SLC17A1: variants seen among roughly 807,000 people sequenced by gnomAD.
The protein encoded by SLC17A1 is sodium-dependent phosphate transport protein 1.
SLC17A1 carries 51 observed loss-of-function variants against 53.5 expected under a neutral mutation model. The observed-to-expected ratio is 0.95, with a 90% CI of 0.76 to 1.20. The LOEUF (loss-of-function observed/expected upper bound fraction) is 1.20. Among genes scored for constraint, SLC17A1 ranks in the 50% most tolerant of loss-of-function variants. The pLI is 0.00. For synonymous variants in SLC17A1, 179 were observed against 198.8 expected (o/e 0.90, Z 0.84); for missense variants, 538 against 568.2 (o/e 0.95, Z 0.54).
intron 12 of SLC17A1, among the ~76,000 whole-genome samples, chr6:25,795,752 CACCCA>C (rs2151478032): frequency 6.6e-6 from 1 of 152,032 alleles, no homozygotes; most frequent in Admixed American, 6.5e-5. Flanking sequence ...CACACACCCA[CACCCA>C]CACCCACAAT....
intron 12 of SLC17A1, among the ~76,000 whole-genome samples, chr6:25,783,763 GC>G (rs1763318151): frequency 6.6e-6 from 1 of 150,944 alleles, no homozygotes; most frequent in Non-Finnish European, 1.5e-5. Flanking sequence ...TGAAAATAAA[GC>G]CCCCCTTTGT....
the SLC17A1 span, among the ~76,000 whole-genome samples, chr6:25,747,247 T>C: frequency 6.6e-6 from 1 of 152,236 alleles, no homozygotes; most frequent in Non-Finnish European, 1.5e-5. Context: ...GCAATTGTTC[T>C]GGCATTCTGA....
the SLC17A1 span, among the ~76,000 whole-genome samples, chr6:25,740,045 C>G: frequency 6.6e-6 from 1 of 151,978 alleles, no homozygotes; most frequent in Non-Finnish European, 1.5e-5. Context: ...CTTGCACCTT[C>G]CTGTGAACCT....
At chr6:25,782,272 C>T (rs922909788), downstream of SLC17A1, among the ~76,000 whole-genome samples, 15 of 152,280 alleles carry the variant, frequency 9.9e-5, no homozygotes, top group Admixed American at 9.2e-4. Context: ...GAGAGAGGCC[C>T]TGCAGGTTGC....
At chr6:25,751,135 T>A in the SLC17A1 span, among the ~76,000 whole-genome samples, 3 of 152,158 alleles carry the variant, frequency 2.0e-5, no homozygotes, top group Admixed American at 2.0e-4. Flanking sequence ...TGCATGGGTG[T>A]GTAGGGGAAG....
downstream of SLC17A1, among the ~76,000 whole-genome samples, chr6:25,778,173 C>G (rs1763093472): frequency 6.6e-6 from 1 of 151,928 alleles, no homozygotes; most frequent in Non-Finnish European, 1.5e-5. Context: ...ACTTAAGATT[C>G]TTAAGTTTCC....
At chr6:25,789,654 G>A (rs1763459060) in intron 12 of SLC17A1, among the ~76,000 whole-genome samples, 1 of 151,858 alleles carries the variant, frequency 6.6e-6, no homozygotes, top group Admixed American at 6.5e-5. Context: ...ATTTAATCAT[G>A]TGAAAACATC....
At position 25,800,891 on chromosome 6, in the gene SLC17A1, T is replaced by G. The variant is rs769536619; in HGVS notation, c.1268A>C (p.Gln423Pro). The change falls in exon 11 of 13, where the codon CAG (glutamine) becomes CCG (proline). Residue 423 changes from glutamine to proline, a missense_variant and splice_region_variant. Gln to Pro is a moderately conservative substitution (Grantham distance 76). Transcript: ENST00000244527. ...ACTACACATCTGTATGTTTCTTACC[T>G]GCTTAAGGATCAATCCAGTCAAAGT... is the stretch of plus-strand genomic sequence containing the variant. ...ASTLTGLILK[Q>P]DPESAWFKTF... The G allele has an allele frequency of 9.5e-6, 15 of 1,575,246 alleles. No individual in the cohort carries two copies. The highest frequency in any genetic ancestry group is 1.2e-5 in the Non-Finnish European group (14 of 1,145,144).
At chr6:25,731,783 T>G in the SLC17A1 span, 1 of 1,581,400 alleles carries the variant, frequency 6.3e-7, no homozygotes, top group South Asian at 1.1e-5. Context: ...CTATCATGTT[T>G]TACTTGGAGC....
the SLC17A1 span, among the ~76,000 whole-genome samples, chr6:25,756,177 G>A: frequency 2.6e-5 from 4 of 152,102 alleles, no homozygotes; most frequent in Non-Finnish European, 4.4e-5. Context: ...CATTTTGGGA[G>A]ATCGAGACCA....
chr6:25,800,782 C>G, intron 11 of SLC17A1, 108 bp downstream of exon 11: 2 of 689,990 alleles, frequency 2.9e-6, no homozygotes, highest in Non-Finnish European at 5.1e-6. Context: ...GATGCAAAAA[C>G]TCATAAGTCA....
In SLC17A1 at chr6:25,810,779, A is replaced by G. The variant is rs1370664581; in HGVS notation, c.1178+619T>C. 2.6e-5 allele frequency among the ~76,000 whole-genome samples: 4 copies of G among 152,162 alleles called. 1 individual carries two copies. The highest frequency in any genetic ancestry group is 2.6e-4 in the Admixed American group (4 of 15,266). On this transcript the variant is annotated intron_variant, in intron 10 of 12. Coordinates refer to ENST00000244527, the MANE Select transcript of SLC17A1 (RefSeq NM_005074.5). ...TCTATCCAAAGGAAATGAAGTGAGA[A>G]TGTCAAAAGAGATATCTGCACTACC...
the SLC17A1 span, chr6:25,776,664 G>C: frequency 3.7e-5 from 60 of 1,613,792 alleles, no homozygotes; most frequent in East Asian, 1.3e-3. Flanking sequence ...TCTACTGGCA[G>C]ACTTTCTTCT....
chr6:25,743,122 C>G, the SLC17A1 span, among the ~76,000 whole-genome samples: 1 of 152,060 alleles, frequency 6.6e-6, no homozygotes, highest in Admixed American at 6.6e-5. Flanking sequence ...ACAGAAATCT[C>G]CATGATATAT....
intron 1 of SLC17A1, 51 bp from the exon 2 acceptor site, chr6:25,830,658 C>A (rs572687963): frequency 4.1e-6 from 5 of 1,232,654 alleles, no homozygotes; most frequent in Middle Eastern, 1.9e-4. Flanking sequence ...AGGCAACTGA[C>A]CAAACACTAC....
Position 25,802,737 on chromosome 6 carries a change from T to C in SLC17A1, c.1179-1757A>G, listed in dbSNP as rs976392292. Among the ~76,000 whole-genome samples the C allele has an allele frequency of 3.9e-5, 6 of 152,154 alleles. No individual in the cohort carries two copies. The South Asian group carries it at 1.2e-3, about 32-fold the overall frequency. ...TTAAGAAGGCAGATGTCAATTCTATTATTGCTTTTTTGGAAGTAATGAGCC... is the reference window on the plus strand; with the variant it reads ...TTAAGAAGGCAGATGTCAATTCTATCATTGCTTTTTTGGAAGTAATGAGCC... On this transcript the variant is annotated intron_variant, in intron 10 of 12. Transcript: ENST00000244527.
At chr6:25,779,227 A>G, downstream of SLC17A1, 2 of 1,608,836 alleles carry the variant, frequency 1.2e-6, no homozygotes, top group Non-Finnish European at 1.7e-6. Context: ...TGCTTAGTTC[A>G]TCATTGTTTT....
At chr6:25,831,193 G>A (rs796171562) in intron 1 of SLC17A1, among the ~76,000 whole-genome samples, 26 of 152,264 alleles carry the variant, frequency 1.7e-4, no homozygotes, top group African/African-American at 6.3e-4. Context: ...CTGATGCAAA[G>A]CTTTATGGCA....
chr6:25,784,986 G>A (rs1490167901), intron 12 of SLC17A1, among the ~76,000 whole-genome samples: 1 of 152,102 alleles, frequency 6.6e-6, no homozygotes, highest in African/African-American at 2.4e-5. Context: ...TCTTACAAAT[G>A]ATATAATCTT....
Sources: gnomAD v4.1 joint callset for allele counts (sites outside exome capture counted in the v4.1 genomes callset) on GRCh38, gnomAD v4.1.1 for gene constraint, MANE v1.5 for transcripts, NCBI Gene and HGNC (gene_info 2026-07-23, HGNC 2026-07-21) for gene names.